Variants in FOXP2 observed in about 807,000 individuals in gnomAD.
The protein encoded by FOXP2 is forkhead box P2.
Under a neutral mutation model 115.8 loss-of-function variants are expected in FOXP2, and 12 were observed. The observed-to-expected ratio is 0.10, with a 90% confidence interval of 0.07 to 0.17. The LOEUF (loss-of-function observed/expected upper bound fraction) is 0.17. Ranked by LOEUF, FOXP2 falls within the 10% of genes least tolerant of loss-of-function variation. FOXP2 has a pLI of 1.00. For synonymous variants in FOXP2, 328 were observed against 297.7 expected (o/e 1.10, Z -1.05); for missense variants, 629 against 843.5 (o/e 0.75, Z 3.15).
intron 1 of FOXP2, among the ~76,000 whole-genome samples, chr7:114,103,956 T>A (rs1470058217): frequency 1.3e-5 from 2 of 151,940 alleles, no homozygotes; most frequent in African/African-American, 4.8e-5. Context: ...TTCTTATCAT[T>A]TTAAGGCTCA....
At chr7:114,088,225 C>T (rs1210086298) in intron 1 of FOXP2, 2 of 151,876 alleles carry the variant, frequency 1.3e-5, no homozygotes, top group Non-Finnish European at 2.9e-5. Flanking sequence ...CTCTTCGCTC[C>T]CTGGTGGGCA....
chr7:114,317,228 T>C (rs1797297938), intron 2 of FOXP2, among the ~76,000 whole-genome samples: 1 of 152,218 alleles, frequency 6.6e-6, no homozygotes, highest in Non-Finnish European at 1.5e-5. Flanking sequence ...TGTCCCAATG[T>C]ATCACCTGTT....
chr7:114,526,121 A>G (rs1798844265), intron 2 of FOXP2, among the ~76,000 whole-genome samples: 1 of 149,834 alleles, frequency 6.7e-6, no homozygotes, highest in African/African-American at 2.5e-5. Flanking sequence ...TCAAAAACAA[A>G]CAAAAAGTTT....
chr7:114,674,383 C>T (rs1242721288), intron 16 of FOXP2, among the ~76,000 whole-genome samples: 1 of 152,072 alleles, frequency 6.6e-6, no homozygotes, highest in Non-Finnish European at 1.5e-5. Context: ...TTTTGAATCC[C>T]CTTTTCATAA....
intron 2 of FOXP2, among the ~76,000 whole-genome samples, chr7:114,516,552 T>G (rs1798353673): frequency 6.6e-6 from 1 of 152,192 alleles, no homozygotes; most frequent in Non-Finnish European, 1.5e-5. Flanking sequence ...CATCATATGA[T>G]AGTTCTATTT....
At chr7:114,354,866 A>G (rs1026879739) in intron 2 of FOXP2, among the ~76,000 whole-genome samples, 4 of 152,194 alleles carry the variant, frequency 2.6e-5, no homozygotes, top group Non-Finnish European at 4.4e-5. Context: ...TATATTTTGG[A>G]CAGAGTATGT....
At chr7:114,289,243 C>A (rs534851600) in intron 2 of FOXP2, among the ~76,000 whole-genome samples, 2 of 151,862 alleles carry the variant, frequency 1.3e-5, no homozygotes, top group East Asian at 3.9e-4. Flanking sequence ...CCTTTGGCAA[C>A]CTTTTACTTC....
intron 3 of FOXP2, among the ~76,000 whole-genome samples, chr7:114,627,272 G>A (rs1326614411): frequency 2.0e-5 from 3 of 151,554 alleles, no homozygotes; most frequent in Non-Finnish European, 2.9e-5. Context: ...GTTGTGAACC[G>A]TATCTTTTAA....
intron 2 of FOXP2, among the ~76,000 whole-genome samples, chr7:114,473,468 A>C (rs1345617498): frequency 6.6e-6 from 1 of 152,206 alleles, no homozygotes; most frequent in Admixed American, 6.6e-5. Context: ...ATATTCTACA[A>C]AACGAGTGTA....
intron 2 of FOXP2, among the ~76,000 whole-genome samples, chr7:114,406,429 A>T (rs1793038818): frequency 6.6e-6 from 1 of 151,966 alleles, no homozygotes; most frequent in Non-Finnish European, 1.5e-5. Flanking sequence ...CAGGTGTGGC[A>T]TGATGGAATT....
chr7:114,124,823 A>G (rs1304063867), intron 1 of FOXP2, among the ~76,000 whole-genome samples: 1 of 151,510 alleles, frequency 6.6e-6, no homozygotes, highest in Non-Finnish European at 1.5e-5. Context: ...TATCTACATC[A>G]TTATGTCATC....
At chr7:114,658,005 C>T in intron 10 of FOXP2, 61 bp from the exon 11 acceptor site, 1 of 1,590,600 alleles carries the variant, frequency 6.3e-7, no homozygotes, top group African/African-American at 1.3e-5. Context: ...TTTGTCAAAC[C>T]TTTTTAAGTC....
intron 1 of FOXP2, among the ~76,000 whole-genome samples, chr7:114,257,331 T>C (rs1795640923): frequency 6.6e-6 from 1 of 151,792 alleles, no homozygotes; most frequent in African/African-American, 2.4e-5. Flanking sequence ...AACCCCAAAC[T>C]ATAAAAACCC....
At chr7:114,268,075 G>T (rs1194385660) in intron 1 of FOXP2, among the ~76,000 whole-genome samples, 4 of 152,020 alleles carry the variant, frequency 2.6e-5, no homozygotes, top group Admixed American at 6.6e-5. Context: ...TTGTGAACTG[G>T]CTAATTTTAC....
In FOXP2 at chr7:114,288,017, A is replaced by G. The variant is rs1270363369; in HGVS notation, c.-101-2A>G. On this transcript the variant is annotated splice_acceptor_variant, in intron 1 of 17. Coordinates refer to the FOXP2 transcript ENST00000634411. LOFTEE classifies it low-confidence loss of function (5UTR_SPLICE). ...GTGACAATTATTTGTCTCTATTAAC[A>G]GGTCTACTCTAATGTGATGCTGGGA... 2.2e-6 allele frequency: 1 copy of G among 446,240 alleles called. No individual in the cohort carries two copies. The highest frequency in any genetic ancestry group is 4.5e-6 in the Non-Finnish European group (1 of 223,580). 27.6% of individuals were successfully genotyped at this position (446,240 alleles called of 1,614,324 possible). A position where few individuals can be genotyped will look rare whatever the true frequency, so the allele number is the denominator to read the frequency against.
upstream of FOXP2, among the ~76,000 whole-genome samples, chr7:114,162,254 G>A (rs1304435674): frequency 6.6e-6 from 1 of 152,048 alleles, no homozygotes; most frequent in African/African-American, 2.4e-5. Flanking sequence ...GTAAAGAAAG[G>A]TGGGATGTGT....
chr7:114,417,834 A>G (rs559803508), intron 1 of FOXP2, among the ~76,000 whole-genome samples: 10 of 151,946 alleles, frequency 6.6e-5, no homozygotes, highest in Non-Finnish European at 1.5e-4. Flanking sequence ...TGACAAATGC[A>G]TGCATTTTTG....
rs1029559095 is a variant in FOXP2 at position 114,249,419 on chromosome 7, G to A, written c.-101-38600G>A. On this transcript the variant is annotated intron_variant, in intron 1 of 17. Coordinates refer to the FOXP2 transcript ENST00000634411. Reference sequence around the variant, plus strand: ...GTGTTGTTCCCCTCCCTGTGTCCAGGTGTTCTCACTGTTCAGCTCCCACTT... The same window carrying A: ...GTGTTGTTCCCCTCCCTGTGTCCAGATGTTCTCACTGTTCAGCTCCCACTT... Among the ~76,000 whole-genome samples, 19 of 152,074 alleles carry A rather than the reference G, an allele frequency of 1.2e-4. 1 individual carries two copies. In the South Asian group the frequency reaches 1.5e-3, roughly 12 times the overall value.
At chr7:114,631,394 G>T (rs2129328178) in intron 5 of FOXP2, 134 bp from the exon 6 acceptor site, 1 of 1,431,010 alleles carries the variant, frequency 7.0e-7, no homozygotes, top group Non-Finnish European at 9.5e-7. Context: ...CTCACATTCT[G>T]CCCCTGAACT....
Sources: gnomAD v4.1 joint callset for allele counts (sites outside exome capture counted in the v4.1 genomes callset) on GRCh38, gnomAD v4.1.1 for gene constraint, MANE v1.5 for transcripts, NCBI Gene and HGNC (gene_info 2026-07-23, HGNC 2026-07-21) for gene names.